Variants in PPP5C observed in about 807,000 individuals in gnomAD.
PPP5C encodes serine/threonine-protein phosphatase 5.
PPP5C carries 21 observed loss-of-function variants against 66.7 expected under a neutral mutation model. The observed-to-expected ratio is 0.31, with a 90% CI of 0.22 to 0.45. The LOEUF is 0.45. PPP5C is among the 20% of genes least tolerant of loss of function. The pLI is 1.00. For missense variants in PPP5C, 464 were observed against 675.9 expected, an observed-to-expected ratio of 0.69 and a Z score of 3.48; for synonymous variants, 246 against 257.4, an observed-to-expected ratio of 0.96 and a Z score of 0.43.
At chr19:46,355,079 G>T (rs1972260728) in intron 2 of PPP5C, among the ~76,000 whole-genome samples, 1 of 152,218 alleles carries the variant, frequency 6.6e-6, no homozygotes, top group South Asian at 2.1e-4. Flanking sequence ...AGTCCCTAAG[G>T]GGTGAAGTCA....
At chr19:46,385,880 G>C (rs1036233703) in intron 7 of PPP5C, among the ~76,000 whole-genome samples, 1 of 151,724 alleles carries the variant, frequency 6.6e-6, no homozygotes, top group Non-Finnish European at 1.5e-5. Context: ...GGAGTGTAAG[G>C]CTGCAGTGAG....
chr19:46,378,928 G>T (rs543902114), intron 4 of PPP5C, among the ~76,000 whole-genome samples: 18 of 151,572 alleles, frequency 1.2e-4, no homozygotes, highest in African/African-American at 4.1e-4. Flanking sequence ...TTGTTGCCCA[G>T]GTTGGAGTGC....
intron 4 of PPP5C, among the ~76,000 whole-genome samples, chr19:46,377,388 A>G (rs1002127565): frequency 6.6e-6 from 1 of 152,180 alleles, no homozygotes; most frequent in African/African-American, 2.4e-5. Flanking sequence ...ACTGCGTGTA[A>G]TCCACATCAG....
At position 46,383,791 on chromosome 19, in the gene PPP5C, T is replaced by C. The variant is rs894620576; in HGVS notation, c.711T>C (p.Ile237=). The part of the protein sequence containing the change: ...VETTLKETEK[I]TVCGDTHGQF... ...CTCTTTTCTTTCAGACAGAGAAGAT[T>C]ACAGTATGTGGGGACACCCATGGCC... Residue 237 remains isoleucine (I), a synonymous_variant, in exon 6 of 13, where the codon ATT becomes ATC. Coordinates refer to ENST00000012443, the MANE Select transcript of PPP5C (RefSeq NM_006247.4). This position sits in a 1 kb window ranked among gnomAD's most constrained non-coding sequence, Gnocchi z 5.0. 2.5e-6 allele frequency: 4 copies of C among 1,613,276 alleles called. No individual in the cohort carries two copies. Among genetic ancestry groups the C allele is most frequent in the Non-Finnish European group, 3.4e-6 (4 of 1,179,408 alleles).
Position 46,376,695 on chromosome 19 carries a change from G to T in PPP5C, c.633+121G>T. On this transcript the variant is annotated intron_variant, in intron 4 of 12. Transcript: ENST00000012443. The surrounding 1 kb of genome is among the most constrained non-coding windows in gnomAD (Gnocchi z 5.1). Reference sequence around the variant, plus strand: ...CGGCCATGACAGCCAACACCAAACAGGAGTCGTGTGCCGGACACTGTGCCG... The same window carrying T: ...CGGCCATGACAGCCAACACCAAACATGAGTCGTGTGCCGGACACTGTGCCG... 1 of 1,374,528 alleles carries T rather than the reference G, an allele frequency of 7.3e-7. No homozygotes were observed. The highest frequency in any genetic ancestry group is 1.0e-6 in the Non-Finnish European group (1 of 1,004,842). The allele number at this position is 1,374,528 out of a possible 1,614,324, so 85.1% of individuals were successfully genotyped here. A position where few individuals can be genotyped will look rare whatever the true frequency, so the allele number is the denominator to read the frequency against.
Position 46,390,603 on chromosome 19 carries a change from G to A in PPP5C, c.*257G>A, listed in dbSNP as rs1175912976. The A allele has an allele frequency of 2.9e-6, 4 of 1,372,856 alleles. No homozygotes were observed. Among genetic ancestry groups the A allele is most frequent in the Admixed American group, 6.1e-5 (2 of 32,976 alleles). The allele number at this position is 1,372,856 out of a possible 1,614,324, so 85.0% of individuals were successfully genotyped here. On this transcript the variant is annotated 3_prime_UTR_variant, in exon 13 of 13. Transcript: ENST00000012443. ...GGGGGCACAGCCTGGGCATTCTGTGGGGAGGCCGTCCTCGGGGTGGGGTGG... is the reference window on the plus strand; with the variant it reads ...GGGGGCACAGCCTGGGCATTCTGTGAGGAGGCCGTCCTCGGGGTGGGGTGG...
chr19:46,388,180 A>G lies in PPP5C; in HGVS notation c.1136-228A>G. 1.9e-6 allele frequency: 1 copy of G among 523,020 alleles called. No homozygotes were observed. The highest frequency in any genetic ancestry group is 3.4e-5 in the South Asian group (1 of 29,692). 32.4% of individuals were successfully genotyped at this position (523,020 alleles called of 1,614,324 possible). ...GAAAGCTCTATCTGGCTTCGGGGCC[A>G]CAGGGGATTGAATGGGGTCTGGAGG... On this transcript the variant is annotated intron_variant, in intron 9 of 12. Coordinates refer to ENST00000012443, the MANE Select transcript of PPP5C (RefSeq NM_006247.4). The surrounding 1 kb of genome is among the most constrained non-coding windows in gnomAD (Gnocchi z 4.9).
intron 2 of PPP5C, among the ~76,000 whole-genome samples, chr19:46,366,543 G>C (rs1273204867): frequency 6.6e-6 from 1 of 152,038 alleles, no homozygotes; most frequent in Non-Finnish European, 1.5e-5. Context: ...ATGGGGTCTT[G>C]CTGTGTTCCC....
intron 6 of PPP5C, 112 bp from the exon 7 acceptor site, chr19:46,384,692 G>A: frequency 1.3e-6 from 1 of 775,050 alleles, no homozygotes; most frequent in East Asian, 2.6e-5. Flanking sequence ...CTGACAGGAG[G>A]CTTGAGGCCA....
intron 2 of PPP5C, among the ~76,000 whole-genome samples, chr19:46,367,358 A>ATGGG (rs1409629559): frequency 6.6e-6 from 1 of 152,188 alleles, no homozygotes; most frequent in Non-Finnish European, 1.5e-5. Context: ...AGAACTGCAG[A>ATGGG]GTCACACCAA....
chr19:46,380,652 G>A (rs929407992), intron 4 of PPP5C, among the ~76,000 whole-genome samples: 4 of 152,130 alleles, frequency 2.6e-5, no homozygotes, highest in Non-Finnish European at 5.9e-5. Context: ...TTTTTATTTT[G>A]TCTTCATTTT....
intron 11 of PPP5C, 104 bp from the exon 12 acceptor site, chr19:46,389,947 C>CCCT: frequency 1.1e-6 from 1 of 939,998 alleles, no homozygotes; most frequent in Admixed American, 1.8e-5. Flanking sequence ...GTGGCTCTGT[C>CCCT]CCTCCCTCTC....
Position 46,384,843 on chromosome 19 carries a change from G to T in PPP5C, c.838G>T (p.Val280Leu). The T allele has an allele frequency of 6.2e-7, 1 of 1,614,110 alleles. No individual in the cohort carries two copies. The highest frequency in any genetic ancestry group is 8.5e-7 in the Non-Finnish European group (1 of 1,180,004). The change falls in exon 7 of 13, where the codon GTA becomes TTA. Residue 280 changes from valine to leucine, a missense_variant. Val to Leu is a conservative substitution (Grantham distance 32). Around this residue, in one of 2 missense-constraint regions of PPP5C, gnomAD observed 387 missense variants for 626.0 expected, o/e 0.62. Coordinates refer to ENST00000012443, the MANE Select transcript of PPP5C (RefSeq NM_006247.4). ...GDFVDRGSFS[V>L]EVILTLFGFK... is the part of the protein sequence containing the mutation. ...CTTTGTGGACCGAGGCTCCTTCTCT[G>T]TAGAAGTGATCCTCACCCTTTTCGG...
At chr19:46,353,638 T>C in intron 1 of PPP5C, 110 bp from the exon 2 acceptor site, 2 of 1,468,290 alleles carry the variant, frequency 1.4e-6, no homozygotes, top group Non-Finnish European at 1.9e-6. Flanking sequence ...GGGCTCAGGG[T>C]AGCCCTCAGC....
At chr19:46,368,897 T>G (rs1327049854) in intron 2 of PPP5C, among the ~76,000 whole-genome samples, 1 of 152,258 alleles carries the variant, frequency 6.6e-6, no homozygotes, top group Admixed American at 6.5e-5. Flanking sequence ...ATTTTGCTCT[T>G]GTTTACGGGT....
At chr19:46,367,480 C>T (rs927793451) in intron 2 of PPP5C, among the ~76,000 whole-genome samples, 5 of 152,128 alleles carry the variant, frequency 3.3e-5, no homozygotes, top group South Asian at 2.1e-4. Context: ...TGGAGATGCC[C>T]GGTCTCTCTT....
In PPP5C at chr19:46,387,426, G is replaced by A. The variant is rs745727929; in HGVS notation, c.1108G>A (p.Glu370Lys). Residue 370 changes from glutamate (E) to lysine (K), a missense_variant, in exon 9 of 13, where the codon GAG becomes AAG. Coordinates refer to ENST00000012443, the MANE Select transcript of PPP5C (RefSeq NM_006247.4). ...GVTLDDIRKI[E>K]RNRQPPDSGP... The stretch of plus-strand genomic sequence containing the variant: ...CACCCTGGATGACATCCGGAAAATT[G>A]AGCGGAATCGACAACCCCCAGATTC... 4 of 1,613,546 alleles carry A rather than the reference G, an allele frequency of 2.5e-6. No homozygotes were observed. Among genetic ancestry groups the A allele is most frequent in the Non-Finnish European group, 3.4e-6 (4 of 1,179,486 alleles).
chr19:46,350,664 A>T (rs1972167833), intron 1 of PPP5C, among the ~76,000 whole-genome samples: 1 of 152,206 alleles, frequency 6.6e-6, no homozygotes, highest in Non-Finnish European at 1.5e-5. Flanking sequence ...GTGGCCAGGT[A>T]CGCTGTGGGG....
At position 46,390,943 on chromosome 19, in the gene PPP5C, C is replaced by A. The variant is rs1436318627; in HGVS notation, c.*597C>A. 6.8e-6 allele frequency: 8 copies of A among 1,176,986 alleles called. No individual in the cohort carries two copies. Among genetic ancestry groups the A allele is most frequent in the Non-Finnish European group, 8.6e-6 (8 of 932,860 alleles). The allele number at this position is 1,176,986 out of a possible 1,614,324, so 72.9% of individuals were successfully genotyped here. A position where few individuals can be genotyped will look rare whatever the true frequency, so the allele number is the denominator to read the frequency against. Reference sequence around the variant, plus strand: ...GGAGGGTGGGGAGGCCGCAAAGTCCCGCTGGCCGGGCCCACCCAGCTCTGG... The same window carrying A: ...GGAGGGTGGGGAGGCCGCAAAGTCCAGCTGGCCGGGCCCACCCAGCTCTGG... On this transcript the variant is annotated 3_prime_UTR_variant, in exon 13 of 13. Transcript: ENST00000012443.
Sources: gnomAD v4.1 joint callset for allele counts (sites outside exome capture counted in the v4.1 genomes callset) on GRCh38, gnomAD v4.1.1 for gene constraint, gnomAD v4.1.1 regional missense constraint, Gnocchi (gnomAD v3.1) non-coding constraint, MANE v1.5 for transcripts, NCBI Gene and HGNC (gene_info 2026-07-23, HGNC 2026-07-21) for gene names.